BNC2: variants seen among roughly 807,000 people sequenced by gnomAD.
BNC2 encodes the protein basonuclin zinc finger protein 2.
Under a neutral mutation model 76.3 loss-of-function variants are expected in BNC2, and 20 were observed. The ratio of observed to expected loss-of-function variants is 0.26; its 90% CI spans 0.18 to 0.38. The LOEUF (loss-of-function observed/expected upper bound fraction) is 0.38. Ranked by LOEUF, BNC2 falls within the 10% of genes least tolerant of loss-of-function variation. BNC2 has a pLI of 1.00. For synonymous variants in BNC2, 582 were observed against 514.8 expected (o/e 1.13, Z -1.77); for missense variants, 1,382 against 1,399.8 (o/e 0.99, Z 0.20).
chr9:16,677,511 T>A (rs55747605), intron 3 of BNC2, among the ~76,000 whole-genome samples: 17,637 of 151,184 alleles, frequency 0.12, 1,156 homozygotes, highest in African/African-American at 0.18. Flanking sequence ...AGGTGGAGGT[T>A]GCAGTGAGCC....
intron 1 of BNC2, among the ~76,000 whole-genome samples, chr9:16,818,431 G>A (rs1818236508): frequency 6.6e-6 from 1 of 152,046 alleles, no homozygotes; most frequent in Non-Finnish European, 1.5e-5. Flanking sequence ...AAAAACGAAG[G>A]GAAGGGAGAG....
chr9:16,720,871 C>T (rs1213121416), intron 3 of BNC2, among the ~76,000 whole-genome samples: 1 of 152,146 alleles, frequency 6.6e-6, no homozygotes, highest in Non-Finnish European at 1.5e-5. Context: ...TGAAATGCTA[C>T]ATACAGCATT....
chr9:16,664,170 C>A (rs1167155582), intron 3 of BNC2, among the ~76,000 whole-genome samples: 1 of 152,150 alleles, frequency 6.6e-6, no homozygotes, highest in African/African-American at 2.4e-5. Flanking sequence ...CATCAGTATT[C>A]ATTTCATCTC....
chr9:16,662,399 G>A (rs1822135118), intron 3 of BNC2, among the ~76,000 whole-genome samples: 1 of 152,124 alleles, frequency 6.6e-6, no homozygotes, highest in Non-Finnish European at 1.5e-5. Flanking sequence ...ATTACAATGA[G>A]GCATGGTCAG....
At chr9:16,855,155 T>A (rs1267528232) in intron 1 of BNC2, among the ~76,000 whole-genome samples, 2 of 151,444 alleles carry the variant, frequency 1.3e-5, no homozygotes, top group African/African-American at 4.8e-5. Context: ...GTGTGTGTGA[T>A]CTCCACTCCT....
chr9:16,673,159 G>A (rs977712585), intron 3 of BNC2, among the ~76,000 whole-genome samples: 1 of 152,056 alleles, frequency 6.6e-6, no homozygotes, highest in Non-Finnish European at 1.5e-5. Context: ...AGACTTATAT[G>A]ACTATAATTA....
chr9:16,621,610 T>C (rs1434694665), intron 3 of BNC2, among the ~76,000 whole-genome samples: 1 of 152,102 alleles, frequency 6.6e-6, no homozygotes, highest in Non-Finnish European at 1.5e-5. Flanking sequence ...AAATAAGACT[T>C]TGAAAATCCA....
At chr9:16,612,208 T>G (rs956291109) in intron 3 of BNC2, among the ~76,000 whole-genome samples, 9 of 152,126 alleles carry the variant, frequency 5.9e-5, no homozygotes, top group African/African-American at 2.2e-4. Context: ...CCAGAAACCA[T>G]GCAATCCTCC....
chr9:16,557,753 G>C (rs1187396370), intron 4 of BNC2, among the ~76,000 whole-genome samples: 1 of 151,656 alleles, frequency 6.6e-6, no homozygotes, highest in East Asian at 1.9e-4. Context: ...TGCCTGACTT[G>C]TGTCCACTCC....
intron 4 of BNC2, among the ~76,000 whole-genome samples, chr9:16,564,477 G>A (rs1350845226): frequency 6.6e-6 from 1 of 152,112 alleles, no homozygotes; most frequent in Non-Finnish European, 1.5e-5. Context: ...GAGATTCAGA[G>A]GAAACATCAG....
chr9:16,718,281 C>T (rs1279585026), intron 3 of BNC2, among the ~76,000 whole-genome samples: 1 of 152,206 alleles, frequency 6.6e-6, no homozygotes, highest in Non-Finnish European at 1.5e-5. Context: ...CGGCTGGCTA[C>T]TGAAACAAGC....
chr9:16,720,209 G>A (rs1419568257), intron 3 of BNC2, among the ~76,000 whole-genome samples: 2 of 152,282 alleles, frequency 1.3e-5, no homozygotes, highest in East Asian at 1.9e-4. Flanking sequence ...TCATGCCTCT[G>A]CCAGAATGAT....
chr9:16,550,672 G>T (rs10962484), intron 5 of BNC2, among the ~76,000 whole-genome samples: 11,689 of 152,182 alleles, frequency 0.077, 571 homozygotes, highest in Middle Eastern at 0.14. Context: ...TCTCTGCGTA[G>T]GTATACAGGT....
chr9:16,820,833 G>A (rs1818309119), intron 1 of BNC2, among the ~76,000 whole-genome samples: 1 of 151,598 alleles, frequency 6.6e-6, no homozygotes, highest in South Asian at 2.1e-4. Flanking sequence ...AAAGTTTAAA[G>A]TGGATTAGTA....
At chr9:16,551,241 A>G (rs1818653138) in intron 5 of BNC2, among the ~76,000 whole-genome samples, 2 of 152,114 alleles carry the variant, frequency 1.3e-5, no homozygotes, top group Admixed American at 6.5e-5. Flanking sequence ...CTAAATTAAG[A>G]CGTCATTCTA....
At chr9:16,541,393 G>A (rs530404070) in intron 5 of BNC2, among the ~76,000 whole-genome samples, 1 of 152,296 alleles carries the variant, frequency 6.6e-6, no homozygotes, top group East Asian at 1.9e-4. Context: ...CTGCCTCTAT[G>A]GATCTCAAAA....
At chr9:16,728,022 G>C in intron 2 of BNC2, 25 bp from the exon 3 acceptor site, 1 of 1,604,448 alleles carries the variant, frequency 6.2e-7, no homozygotes, top group East Asian at 2.2e-5. Flanking sequence ...TGGATTTTTT[G>C]AGCCTCTTGG....
chr9:16,526,832 A>G (rs775701260), intron 5 of BNC2, among the ~76,000 whole-genome samples: 3 of 152,224 alleles, frequency 2.0e-5, no homozygotes, highest in Admixed American at 6.5e-5. Context: ...ACTATGTACC[A>G]TCCATGAAAA....
intron 5 of BNC2, among the ~76,000 whole-genome samples, chr9:16,506,608 C>T (rs572142970): frequency 1.4e-5 from 2 of 146,080 alleles, no homozygotes; most frequent in East Asian, 4.2e-4. Flanking sequence ...TCACTGCAAC[C>T]TCCACCTCCT....
Sources: gnomAD v4.1 joint callset for allele counts (sites outside exome capture counted in the v4.1 genomes callset) on GRCh38, gnomAD v4.1.1 for gene constraint, MANE v1.5 for transcripts, NCBI Gene and HGNC (gene_info 2026-07-23, HGNC 2026-07-21) for gene names.